The following DSCAM variants were observed in gnomAD, a reference collection of about 807,000 sequenced individuals.
The protein encoded by DSCAM is cell adhesion molecule DSCAM.
In DSCAM, 47 loss-of-function variants were observed where a neutral mutation model predicts 217.7. That is an observed-to-expected ratio of 0.22 (90% CI 0.17 to 0.28). The LOEUF is 0.28. Ranked by LOEUF, DSCAM falls within the 10% of genes least tolerant of loss-of-function variation. DSCAM has a pLI of 1.00. For missense variants in DSCAM, 2,080 were observed against 2,618.3 expected (o/e 0.79, Z 4.49); for synonymous variants, 1,056 against 1,015.3 (o/e 1.04, Z -0.76).
At chr21:40,841,783 AG>A (rs2092103915) in intron 1 of DSCAM, among the ~76,000 whole-genome samples, 1 of 152,196 alleles carries the variant, frequency 6.6e-6, no homozygotes, top group African/African-American at 2.4e-5. Flanking sequence ...GGCTTTGGAA[AG>A]GGGGTGCAAA....
intron 3 of DSCAM, among the ~76,000 whole-genome samples, chr21:40,568,877 G>A (rs1045880675): frequency 5.9e-5 from 9 of 152,092 alleles, no homozygotes; most frequent in African/African-American, 1.2e-4. Context: ...CTGTTACCAC[G>A]AGGGCTGTAG....
chr21:40,247,236 C>A (rs1038678052), intron 11 of DSCAM, among the ~76,000 whole-genome samples: 6 of 152,050 alleles, frequency 3.9e-5, no homozygotes, highest in Non-Finnish European at 8.8e-5. Flanking sequence ...TACCCTTGGC[C>A]CCTCCAAAAT....
intron 11 of DSCAM, 80 bp from the exon 12 acceptor site, chr21:40,189,318 T>C: frequency 1.8e-6 from 2 of 1,127,088 alleles, no homozygotes; most frequent in Non-Finnish European, 2.4e-6. Context: ...AGGTAAACCA[T>C]GCTTCAAGAG....
chr21:40,825,117 A>C lies in DSCAM; in HGVS notation c.43+21502T>G, dbSNP rs567377551. Reference sequence around the variant, plus strand: ...GTCGTTAATATAGTGTTTTTTTCTCATTTATTTATTCAACAAATATGGAGG... The same window carrying C: ...GTCGTTAATATAGTGTTTTTTTCTCCTTTATTTATTCAACAAATATGGAGG... On this transcript the variant is annotated intron_variant, in intron 1 of 32. Coordinates refer to ENST00000400454, the MANE Select transcript of DSCAM (RefSeq NM_001389.5). 1.0e-3 allele frequency among the ~76,000 whole-genome samples: 151 copies of C among 151,480 alleles called. 1 individual carries two copies. Among genetic ancestry groups the C allele is most frequent in the African/African-American group, 3.6e-3 (147 of 40,884 alleles).
chr21:40,317,790 C>T (rs1286382717), intron 8 of DSCAM, among the ~76,000 whole-genome samples: 1 of 152,150 alleles, frequency 6.6e-6, no homozygotes. Flanking sequence ...GCCTTGGCCT[C>T]CCAAAGTGCT....
intron 3 of DSCAM, among the ~76,000 whole-genome samples, chr21:40,637,418 T>A (rs1416269516): frequency 9.9e-4 from 2 of 2,024 alleles, no homozygotes; most frequent in African/African-American, 3.3e-3. Context: ...TATAAATATA[T>A]ATATAAATAT....
chr21:40,826,967 G>A (rs2091973846), intron 1 of DSCAM, among the ~76,000 whole-genome samples: 1 of 151,978 alleles, frequency 6.6e-6, no homozygotes, highest in South Asian at 2.1e-4. Flanking sequence ...AAATTATATA[G>A]AGAGGAATTA....
Position 40,046,770 on chromosome 21 carries a change from T to TG in DSCAM, c.5186-2496dup, listed in dbSNP as rs555150411. 1.2e-3 allele frequency among the ~76,000 whole-genome samples: 177 copies of TG among 150,030 alleles called. 2 individuals carry two copies. The highest frequency in any genetic ancestry group is 4.1e-3 in the African/African-American group (168 of 40,572). On this transcript the variant is annotated intron_variant, in intron 30 of 32. Coordinates refer to ENST00000400454, the MANE Select transcript of DSCAM (RefSeq NM_001389.5). ...GCAGGTTTACTTCTGGCATGGAAGT[T>TG]GGGGGGTGGTTGGGGGGTATAGTTT...
intron 17 of DSCAM, among the ~76,000 whole-genome samples, chr21:40,143,999 G>A (rs1208366812): frequency 1.3e-5 from 2 of 152,174 alleles, no homozygotes; most frequent in Non-Finnish European, 2.9e-5. Context: ...CATGGTGGAA[G>A]GGCTAATTAA....
At chr21:40,268,982 C>T (rs2073578274) in intron 11 of DSCAM, among the ~76,000 whole-genome samples, 1 of 152,158 alleles carries the variant, frequency 6.6e-6, no homozygotes, top group East Asian at 1.9e-4. Flanking sequence ...CAGCCCAAAG[C>T]ATGCACTGCA....
Position 40,306,569 on chromosome 21 carries a change from G to A in DSCAM, c.2062+5512C>T, listed in dbSNP as rs1236154935. 4.1e-5 allele frequency among the ~76,000 whole-genome samples: 6 copies of A among 147,048 alleles called. No homozygotes were observed. The East Asian group carries it at 6.1e-4, about 15-fold the overall frequency. ...GTTTTTGCCCATTCAGTATGATATT[G>A]GCTGTGGGTTTGTCATAGATAGCTC... On this transcript the variant is annotated intron_variant, in intron 9 of 32. Transcript: ENST00000400454.
intron 1 of DSCAM, among the ~76,000 whole-genome samples, chr21:40,819,838 T>C (rs1312755914): frequency 6.6e-6 from 1 of 152,218 alleles, no homozygotes; most frequent in African/African-American, 2.4e-5. Flanking sequence ...CACTCCCCTC[T>C]TATCTTTCAA....
At chr21:40,360,099 T>C (rs1162108239) in intron 4 of DSCAM, among the ~76,000 whole-genome samples, 2 of 149,078 alleles carry the variant, frequency 1.3e-5, no homozygotes, top group African/African-American at 5.0e-5. Context: ...CCTCAGGTAG[T>C]GAGCATGGTA....
rs559463861 is a variant in DSCAM, at chr21:40,357,561, G to A, written c.656-3818C>T. On this transcript the variant is annotated intron_variant, in intron 4 of 32. Coordinates refer to ENST00000400454, the MANE Select transcript of DSCAM (RefSeq NM_001389.5). Reference sequence around the variant, plus strand: ...ACTTGCAGACCATATAAACACCATTGCAATATTGTTTAGTAAGTAGAAATC... The same window carrying A: ...ACTTGCAGACCATATAAACACCATTACAATATTGTTTAGTAAGTAGAAATC... Among the ~76,000 whole-genome samples, 309 of 152,206 alleles carry A rather than the reference G, an allele frequency of 2.0e-3. 2 individuals carry two copies. The highest frequency in any genetic ancestry group is 0.01 in the Middle Eastern group (3 of 294).
At chr21:40,501,885 C>T (rs111247787) in intron 3 of DSCAM, among the ~76,000 whole-genome samples, 1,683 of 152,324 alleles carry the variant, frequency 0.011, 36 homozygotes, top group African/African-American at 0.037. Context: ...TGAGCCACAG[C>T]GCCGGCTAAT....
rs2074834207 is a variant in DSCAM at position 40,366,499 on chromosome 21, A to T, written c.655+2600T>A. Among the ~76,000 whole-genome samples the T allele has an allele frequency of 2.0e-5, 3 of 152,144 alleles. No individual in the cohort carries two copies. The South Asian group carries it at 6.2e-4, about 32-fold the overall frequency. On this transcript the variant is annotated intron_variant, in intron 4 of 32. Transcript: ENST00000400454. ...CAGATTTGTGTTGTTTCATCATTTT[A>T]TTTCTGATTTATACTGCTCTTTCAA...
At chr21:40,189,995 C>T (rs528583419) in intron 11 of DSCAM, among the ~76,000 whole-genome samples, 165 of 152,300 alleles carry the variant, frequency 1.1e-3, no homozygotes, top group African/African-American at 3.8e-3. Flanking sequence ...TTGCTGCTAA[C>T]CAGTCCTTGT....
chr21:40,836,652 C>T (rs888908327), intron 1 of DSCAM, among the ~76,000 whole-genome samples: 2 of 152,224 alleles, frequency 1.3e-5, no homozygotes, highest in Non-Finnish European at 1.5e-5. Context: ...GTTTGGGTAG[C>T]TTCTTTGCAA....
rs1223697533 is a variant in DSCAM at position 40,012,954 on chromosome 21, T to C, written c.*80A>G. 9.3e-6 allele frequency: 10 copies of C among 1,069,528 alleles called. No individual in the cohort carries two copies. Among genetic ancestry groups the C allele is most frequent in the Non-Finnish European group, 1.2e-5 (10 of 809,344 alleles). The allele number at this position is 1,069,528 out of a possible 1,614,324, so 66.3% of individuals were successfully genotyped here. On this transcript the variant is annotated 3_prime_UTR_variant, in exon 33 of 33. Transcript: ENST00000400454. Reference sequence around the variant, plus strand: ...TGGCAATTTTCTTTAATTATAAATATTGGAATTCCGTAAAAAAAAGGTAGC... The same window carrying C: ...TGGCAATTTTCTTTAATTATAAATACTGGAATTCCGTAAAAAAAAGGTAGC...
Sources: allele counts gnomAD v4.1 joint callset (sites outside exome capture counted in the v4.1 genomes callset), GRCh38; gene constraint gnomAD v4.1.1; transcripts MANE v1.5; gene names NCBI Gene and HGNC (gene_info 2026-07-23, HGNC 2026-07-21).